GPAT2: variants seen among roughly 807,000 people sequenced by gnomAD.
The protein encoded by GPAT2 is 1-acylglycerol-3-phosphate O-acyltransferase GPAT2.
GPAT2 carries 51 observed loss-of-function variants against 71.0 expected under a neutral mutation model. That is an observed-to-expected ratio of 0.72 (90% CI 0.57 to 0.91). The LOEUF (loss-of-function observed/expected upper bound fraction) is 0.91, where lower values mean the gene tolerates loss of function less well. GPAT2 is among the 40% of genes least tolerant of loss of function. GPAT2 has a pLI of 0.00. For synonymous variants in GPAT2, 222 were observed against 290.3 expected (o/e 0.76, Z 2.39); for missense variants, 511 against 666.0 (o/e 0.77, Z 2.56).
At chr2:96,023,771 G>A (rs551312419) in intron 17 of GPAT2, 152 bp downstream of exon 17, 22 of 1,384,250 alleles carry the variant, frequency 1.6e-5, no homozygotes, top group South Asian at 7.5e-5. Flanking sequence ...GCAGAGGTGC[G>A]AGCTAGGCTT....
chr2:96,025,484 C>T lies in GPAT2; in HGVS notation c.1357+1G>A, dbSNP rs1324151079. The T allele has an allele frequency of 6.4e-7, 1 of 1,572,362 alleles. No homozygotes were observed. ...AAGGCCCAGATCTGGTTCACCCTCA[C>T]CACTCAGGACATGACAGCTCAGTCT... On this transcript the variant is annotated splice_donor_variant, in intron 13 of 21. Coordinates refer to ENST00000434632, the MANE Select transcript of GPAT2 (RefSeq NM_001321527.2). LOFTEE classifies it high-confidence loss of function.
At position 96,025,786 on chromosome 2, in the gene GPAT2, A is replaced by G. The variant is rs1345583026; in HGVS notation, c.1238+144T>C. 5.2e-5 allele frequency: 62 copies of G among 1,185,632 alleles called. 1 individual carries two copies. The South Asian group carries it at 8.4e-4, about 16-fold the overall frequency. 73.4% of individuals were successfully genotyped at this position (1,185,632 alleles called of 1,614,324 possible). A position where few individuals can be genotyped will look rare whatever the true frequency, so the allele number is the denominator to read the frequency against. The stretch of plus-strand genomic sequence containing the variant: ...ATACCCCACACTCAGACTGTTGGCA[A>G]GGCGAGTACCTGGAACTATTCTAGA... On this transcript the variant is annotated intron_variant, in intron 12 of 21. Coordinates refer to ENST00000434632, the MANE Select transcript of GPAT2 (RefSeq NM_001321527.2).
rs562806816 is a variant in GPAT2 at position 96,026,003 on chromosome 2, C to T, written c.1165G>A (p.Val389Ile). 334 of 1,612,778 alleles carry T rather than the reference C, an allele frequency of 2.1e-4. 1 individual carries two copies. The South Asian group carries it at 3.4e-3, about 16-fold the overall frequency. ...CCGCCCCAGCAGCTTCTGGCACTGA[C>T]GATGTATTCCTGCCCAAGAGAAGGC... ...AQPFSLQEYI[V>I]SARSCWGGRQ... Residue 389 changes from valine to isoleucine, a missense_variant, in exon 12 of 22, where the codon GTC (valine) becomes ATC (isoleucine). This residue lies in a region of GPAT2 where 79 missense variants were observed against 111.4 expected (regional missense o/e 0.71). Coordinates refer to ENST00000434632, the MANE Select transcript of GPAT2 (RefSeq NM_001321527.2).
In GPAT2 at chr2:96,024,595, G is replaced by T; in HGVS notation, c.1519C>A (p.Leu507Met). The change falls in exon 15 of 22, where the codon CTG becomes ATG. Residue 507 changes from leucine (L) to methionine (M), a missense_variant. Coordinates refer to ENST00000434632, the MANE Select transcript of GPAT2 (RefSeq NM_001321527.2). Reference sequence around the variant, plus strand: ...AGTGAGTGCTGCAGCAGGCTCCGCAGCTGCCCAGAGAAGCCTACATCAAAG... The same window carrying T: ...AGTGAGTGCTGCAGCAGGCTCCGCATCTGCCCAGAGAAGCCTACATCAAAG... ...RGFDVGFSGQ[L>M]RSLLQHSLSL... 6.2e-7 allele frequency: 1 copy of T among 1,613,822 alleles called. No homozygotes were observed. Among genetic ancestry groups the T allele is most frequent in the Non-Finnish European group, 8.5e-7 (1 of 1,179,904 alleles).
chr2:96,024,051 A>C, intron 16 of GPAT2, 51 bp from the exon 17 acceptor site: 1 of 1,581,360 alleles, frequency 6.3e-7, no homozygotes, highest in South Asian at 1.1e-5. Flanking sequence ...GCACATGGGC[A>C]GGGGCCTAGC....
rs1680043074 is a variant in GPAT2, at chr2:96,023,946, A to T, written c.1891T>A (p.Cys631Ser). The T allele has an allele frequency of 3.1e-6, 5 of 1,605,460 alleles. No individual in the cohort carries two copies. Among genetic ancestry groups the T allele is most frequent in the African/African-American group, 1.3e-5 (1 of 74,814 alleles). ...ACCTCCTCAGCAACCAGGAGCCCGC[A>T]TTGGATGAGCCGGTCCAGCACCTCC... is the stretch of plus-strand genomic sequence containing the variant. ...CQEVLDRLIQ[C>S]GLLVAEETPG... Residue 631 changes from cysteine (C) to serine (S), a missense_variant, in exon 17 of 22, where the codon TGC becomes AGC. Coordinates refer to ENST00000434632, the MANE Select transcript of GPAT2 (RefSeq NM_001321527.2).
At chr2:96,025,217 G>C in intron 13 of GPAT2, 1 of 563,740 alleles carries the variant, frequency 1.8e-6, no homozygotes, top group South Asian at 2.3e-5. Context: ...CAGAAGGCAG[G>C]GCTGGGTGTG....
chr2:96,023,263 C>T (rs1679921914), intron 18 of GPAT2, 37 bp from the exon 19 acceptor site: 1 of 1,613,654 alleles, frequency 6.2e-7, no homozygotes, highest in Non-Finnish European at 8.5e-7. Context: ...CAGCTCCCCA[C>T]CGCCTCCCTA....
Position 96,023,822 on chromosome 2 carries a change from C to T in GPAT2, c.1914+101G>A, listed in dbSNP as rs1034240141. ...AGGGGCTGCCCACCCCCACAGCACA[C>T]ACGGGGCAGAGGAGGAGCCTGGGGC... On this transcript the variant is annotated intron_variant, in intron 17 of 21. Transcript: ENST00000434632. The T allele has an allele frequency of 1.1e-5, 16 of 1,518,150 alleles. No individual in the cohort carries two copies. The Admixed American group carries it at 2.7e-4, about 26-fold the overall frequency. 94.0% of individuals were successfully genotyped at this position (1,518,150 alleles called of 1,614,324 possible). A position where few individuals can be genotyped will look rare whatever the true frequency, so the allele number is the denominator to read the frequency against.
chr2:96,022,884 T>G lies in GPAT2; in HGVS notation c.2233+74A>C, dbSNP rs1679845155. 3 of 1,612,628 alleles carry G rather than the reference T, an allele frequency of 1.9e-6. No individual in the cohort carries two copies. In the South Asian group the frequency reaches 3.3e-5, roughly 18 times the overall value. On this transcript the variant is annotated intron_variant, in intron 20 of 21. Transcript: ENST00000434632. ...TGCCTTCCTAGAGTTGGGTTGTCAC[T>G]GTCCTGCAGGGGGCAGCAGCCACCA... is the stretch of plus-strand genomic sequence containing the variant.
At position 96,023,946 on chromosome 2, in the gene GPAT2, A is replaced by C; in HGVS notation, c.1891T>G (p.Cys631Gly). Residue 631 changes from cysteine to glycine, a missense_variant, in exon 17 of 22, where the codon TGC (cysteine) becomes GGC (glycine). Cys to Gly is a radical substitution (Grantham distance 159). This residue lies in a region of GPAT2 where 295 missense variants were observed against 305.5 expected (regional missense o/e 0.97). Coordinates refer to ENST00000434632, the MANE Select transcript of GPAT2 (RefSeq NM_001321527.2). The part of the protein sequence containing the change: ...CQEVLDRLIQ[C>G]GLLVAEETPG... ...ACCTCCTCAGCAACCAGGAGCCCGCATTGGATGAGCCGGTCCAGCACCTCC... is the reference window on the plus strand; with the variant it reads ...ACCTCCTCAGCAACCAGGAGCCCGCCTTGGATGAGCCGGTCCAGCACCTCC... The C allele has an allele frequency of 6.2e-7, 1 of 1,605,578 alleles. No individual in the cohort carries two copies. The highest frequency in any genetic ancestry group is 8.5e-7 in the Non-Finnish European group (1 of 1,176,390).
intron 14 of GPAT2, 34 bp downstream of exon 14, chr2:96,024,738 CA>C (rs1558683784): frequency 6.2e-7 from 1 of 1,613,844 alleles, no homozygotes; most frequent in South Asian, 1.1e-5. Flanking sequence ...CCACCCCCCC[CA>C]CCGCCCAGGT....
At chr2:96,025,331 G>T in intron 13 of GPAT2, 154 bp downstream of exon 13, 1 of 1,036,790 alleles carries the variant, frequency 9.6e-7, no homozygotes, top group East Asian at 2.8e-5. Flanking sequence ...CCTCCTGTAG[G>T]AGAAGGGTTC....
intron 1 of GPAT2, among the ~76,000 whole-genome samples, chr2:96,034,044 T>C (rs1680864058): frequency 6.6e-6 from 1 of 151,104 alleles, no homozygotes; most frequent in African/African-American, 2.4e-5. Flanking sequence ...ATAATACATA[T>C]ATACATATAT....
Position 96,024,858 on chromosome 2 carries a change from G to A in GPAT2, c.1358-15C>T, listed in dbSNP as rs370616408. 232 of 1,612,084 alleles carry A rather than the reference G, an allele frequency of 1.4e-4. 1 individual carries two copies. Among genetic ancestry groups the A allele is most frequent in the Non-Finnish European group, 1.5e-4 (174 of 1,179,876 alleles). On this transcript the variant is annotated splice_polypyrimidine_tract_variant and intron_variant, in intron 13 of 21. Transcript: ENST00000434632. ...CCCTACACTGGCTGGAGTGGGGCGG[G>A]GGGTGGAGATGCTGGTCAGGTTGAG...
Position 96,030,793 on chromosome 2 carries a change from GC to G in GPAT2, c.306del (p.Gln102HisfsTer40), listed in dbSNP as rs1249794088. ...GGGACATCCTGGCAGGGGGGGATGT[GC>G]TGCTCCAGGGACCACAGGAAATAGC... ...RLCYFLWSLE[Q>X]HIPPCQDVPQ... is the part of the protein sequence containing the mutation. On this transcript the variant is annotated frameshift_variant, in exon 5 of 22. Transcript: ENST00000434632. LOFTEE classifies it high-confidence loss of function. The G allele has an allele frequency of 7.9e-6, 2 of 253,422 alleles. No homozygotes were observed. The highest frequency in any genetic ancestry group is 1.5e-5 in the Non-Finnish European group (2 of 135,504). The allele number at this position is 253,422 out of a possible 1,614,324, so 15.7% of individuals were successfully genotyped here.
At chr2:96,034,048 C>CAT (rs1230255276) in intron 1 of GPAT2, among the ~76,000 whole-genome samples, 2 of 150,780 alleles carry the variant, frequency 1.3e-5, no homozygotes, top group African/African-American at 2.4e-5. Context: ...TACATATATA[C>CAT]ATATATACAC....
In GPAT2 at chr2:96,024,414, C is replaced by T. The variant is rs1369515047; in HGVS notation, c.1687+13G>A. On this transcript the variant is annotated intron_variant, in intron 15 of 21. Coordinates refer to ENST00000434632, the MANE Select transcript of GPAT2 (RefSeq NM_001321527.2). ...ACACACATCCCACCTACCCCGTGCA[C>T]CTCAAGACTCACCGCCCACAGCCTC... 4 of 1,613,220 alleles carry T rather than the reference C, an allele frequency of 2.5e-6. No homozygotes were observed. Among genetic ancestry groups the T allele is most frequent in the South Asian group, 2.2e-5 (2 of 91,032 alleles).
At chr2:96,026,073 C>G in intron 11 of GPAT2, 61 bp from the exon 12 acceptor site, 2 of 1,598,502 alleles carry the variant, frequency 1.3e-6, no homozygotes. Flanking sequence ...TGCACACAGC[C>G]CACTGGAAGT....
Sources: gnomAD v4.1 joint callset for allele counts (sites outside exome capture counted in the v4.1 genomes callset) on GRCh38, gnomAD v4.1.1 for gene constraint, gnomAD v4.1.1 regional missense constraint, MANE v1.5 for transcripts, NCBI Gene and HGNC (gene_info 2026-07-23, HGNC 2026-07-21) for gene names.